WDR76: variants seen among roughly 807,000 people sequenced by gnomAD.
WDR76 encodes the protein WD repeat-containing protein 76.
Under a neutral mutation model 70.2 loss-of-function variants are expected in WDR76, and 52 were observed. The observed-to-expected ratio is 0.74, with a 90% CI of 0.59 to 0.93. The LOEUF (loss-of-function observed/expected upper bound fraction) is 0.93. Among genes scored for constraint, WDR76 ranks in the 40% least tolerant of loss-of-function variants. WDR76 has a pLI of 0.00. For missense variants in WDR76, 756 were observed against 760.2 expected (o/e 0.99, Z 0.07); for synonymous variants, 292 against 271.1 (o/e 1.08, Z -0.76).
chr15:43,828,098 TG>T lies in WDR76; in HGVS notation c.195del (p.Met65IlefsTer22). On this transcript the variant is annotated frameshift_variant, in exon 2 of 13. Transcript: ENST00000263795. LOFTEE classifies it high-confidence loss of function. ...AGTAATTACCAGCTAGACCAGCTTA[TG>T]TGCCCCAAATCCCTATCAGAAAAGA... is the stretch of plus-strand genomic sequence containing the variant. ...SLSNYQLDQLMCPKSLSEKNS... is the reference protein window; with the variant it reads ...SLSNYQLDQLXCPKSLSEKNS... 6.2e-7 allele frequency: 1 copy of T among 1,614,218 alleles called. No homozygotes were observed. The highest frequency in any genetic ancestry group is 8.5e-7 in the Non-Finnish European group (1 of 1,180,036).
At chr15:43,850,127 T>C (rs1225119826) in intron 8 of WDR76, among the ~76,000 whole-genome samples, 1 of 152,118 alleles carries the variant, frequency 6.6e-6, no homozygotes, top group Admixed American at 6.5e-5. Context: ...TGGTTCATAA[T>C]ATGCCATATG....
intron 9 of WDR76, among the ~76,000 whole-genome samples, chr15:43,855,586 C>T (rs1313807090): frequency 2.0e-5 from 3 of 152,052 alleles, no homozygotes; most frequent in Non-Finnish European, 4.4e-5. Context: ...GTGGTCATCC[C>T]CTCTTAATTG....
Position 43,866,613 on chromosome 15 carries a change from C to T in WDR76, c.*221C>T, listed in dbSNP as rs1595458060. The T allele has an allele frequency of 2.8e-5, 12 of 428,168 alleles. No homozygotes were observed. Among genetic ancestry groups the T allele is most frequent in the African/African-American group, 1.7e-4 (8 of 46,328 alleles). 26.5% of individuals were successfully genotyped at this position (428,168 alleles called of 1,614,324 possible). On this transcript the variant is annotated 3_prime_UTR_variant, in exon 13 of 13. Coordinates refer to ENST00000263795, the MANE Select transcript of WDR76 (RefSeq NM_024908.4). ...GGGAATTTGAGGGGAGGCTGAGGTGCCGTCAGGACTTTTTTTTTTTTTTTT... is the reference window on the plus strand; with the variant it reads ...GGGAATTTGAGGGGAGGCTGAGGTGTCGTCAGGACTTTTTTTTTTTTTTTT...
At chr15:43,836,869 A>G (rs1417280953) in intron 4 of WDR76, among the ~76,000 whole-genome samples, 2 of 139,000 alleles carry the variant, frequency 1.4e-5, no homozygotes, top group East Asian at 2.0e-4. Flanking sequence ...CATCGCTACT[A>G]AAAAAAAAAA....
At chr15:43,842,350 GC>G in intron 5 of WDR76, 64 bp from the exon 6 acceptor site, 1 of 1,412,758 alleles carries the variant, frequency 7.1e-7, no homozygotes. Context: ...AAATACCCTT[GC>G]CCTCCTTGTG....
At chr15:43,835,858 T>C (rs2087649140) in intron 3 of WDR76, among the ~76,000 whole-genome samples, 1 of 152,072 alleles carries the variant, frequency 6.6e-6, no homozygotes, top group South Asian at 2.1e-4. Context: ...GGTTTCACCA[T>C]GTTGGTAAGG....
intron 2 of WDR76, among the ~76,000 whole-genome samples, chr15:43,834,467 A>ATTTTTTTTTTTTTTTTT (rs34962536): frequency 7.3e-6 from 1 of 137,058 alleles, no homozygotes. Context: ...TACCTGGCTA[A>ATTTTTTTTTTTTTTTTT]TTTTTTTTTT....
At chr15:43,856,444 A>G (rs974740540) in intron 9 of WDR76, among the ~76,000 whole-genome samples, 6 of 152,180 alleles carry the variant, frequency 3.9e-5, no homozygotes, top group Non-Finnish European at 7.3e-5. Context: ...GGTAGAATTC[A>G]CATTCAGTTC....
chr15:43,852,206 G>A (rs1447724694), intron 9 of WDR76, among the ~76,000 whole-genome samples: 5 of 151,938 alleles, frequency 3.3e-5, no homozygotes, highest in African/African-American at 1.2e-4. Context: ...TTTTTGAGAC[G>A]GAGTTTTACT....
chr15:43,835,731 T>G (rs1006505380), intron 3 of WDR76, among the ~76,000 whole-genome samples: 3 of 150,946 alleles, frequency 2.0e-5, no homozygotes, highest in Non-Finnish European at 2.9e-5. Flanking sequence ...CGATCTTGGC[T>G]CACTGCAACC....
At chr15:43,837,674 T>G (rs2087674108) in intron 4 of WDR76, among the ~76,000 whole-genome samples, 1 of 152,074 alleles carries the variant, frequency 6.6e-6, no homozygotes, top group Non-Finnish European at 1.5e-5. Flanking sequence ...GATTTAAATT[T>G]TTTGAAAATT....
At chr15:43,833,974 A>G (rs1188307272) in intron 2 of WDR76, among the ~76,000 whole-genome samples, 2 of 152,040 alleles carry the variant, frequency 1.3e-5, no homozygotes, top group African/African-American at 2.4e-5. Context: ...TTCTCTTCCA[A>G]TTTCTCAGCA....
intron 8 of WDR76, among the ~76,000 whole-genome samples, chr15:43,850,268 TTTTA>T (rs1567188841): frequency 1.0e-5 from 1 of 100,502 alleles, no homozygotes; most frequent in Non-Finnish European, 2.3e-5. Context: ...GGTGTTATTT[TTTTA>T]TTTTATTTTA....
intron 9 of WDR76, 102 bp downstream of exon 9, chr15:43,851,347 A>G: frequency 6.7e-7 from 1 of 1,488,270 alleles, no homozygotes; most frequent in Non-Finnish European, 9.1e-7. Flanking sequence ...GTGGTATAGC[A>G]GAAGGACTTT....
intron 3 of WDR76, 53 bp from the exon 4 acceptor site, chr15:43,836,108 A>G (rs925773058): frequency 1.3e-6 from 2 of 1,527,124 alleles, no homozygotes; most frequent in East Asian, 2.3e-5. Flanking sequence ...TTAATATTTT[A>G]AAAGGTAAGA....
intron 5 of WDR76, among the ~76,000 whole-genome samples, chr15:43,841,540 A>G (rs1232259453): frequency 1.3e-5 from 2 of 152,156 alleles, no homozygotes; most frequent in South Asian, 2.1e-4. Flanking sequence ...GGGTTTCGCC[A>G]TGTTGGCCAG....
At chr15:43,830,543 CAA>C (rs1157828659) in intron 2 of WDR76, among the ~76,000 whole-genome samples, 1 of 67,064 alleles carries the variant, frequency 1.5e-5, no homozygotes, top group Non-Finnish European at 2.8e-5. Flanking sequence ...GCCTGGGCAA[CAA>C]GAGTGAAACT....
intron 2 of WDR76, among the ~76,000 whole-genome samples, chr15:43,832,533 C>T (rs925508259): frequency 2.6e-5 from 4 of 151,800 alleles, no homozygotes; most frequent in African/African-American, 9.7e-5. Flanking sequence ...GCAACCTCTG[C>T]CTTCTAGGTT....
rs954055660 is a variant in WDR76, at chr15:43,827,044, G to C, written c.12G>C (p.Ser4=). 23 of 1,613,962 alleles carry C rather than the reference G, an allele frequency of 1.4e-5. No individual in the cohort carries two copies. Among genetic ancestry groups the C allele is most frequent in the African/African-American group, 5.3e-5 (4 of 74,942 alleles). Residue 4 remains serine (S), a synonymous_variant, in exon 1 of 13, where the codon TCG becomes TCC. Transcript: ENST00000263795. ...TAAGAAGCCGAAAGATGTCCAGGTC[G>C]GGCGCGGCGGCTGAGAAGGCGGACT... MSR[S]GAAAEKADSR...
Sources: allele counts gnomAD v4.1 joint callset (sites outside exome capture counted in the v4.1 genomes callset), GRCh38; gene constraint gnomAD v4.1.1; transcripts MANE v1.5; gene names NCBI Gene and HGNC (gene_info 2026-07-23, HGNC 2026-07-21).